AGBL4: variants seen among roughly 807,000 people sequenced by gnomAD.
AGBL4 encodes the protein AGBL carboxypeptidase 4.
Under a neutral mutation model 66.4 loss-of-function variants are expected in AGBL4, and 58 were observed. That is an observed-to-expected ratio of 0.87 (90% CI 0.71 to 1.09). The LOEUF (loss-of-function observed/expected upper bound fraction) is 1.09. AGBL4 is among the 50% of genes least tolerant of loss of function. The pLI, the probability that AGBL4 is intolerant of heterozygous loss-of-function variation, is 0.00. For synonymous variants in AGBL4, 234 were observed against 222.9 expected (o/e 1.05, Z -0.44); for missense variants, 579 against 631.0 (o/e 0.92, Z 0.88).
intron 5 of AGBL4, among the ~76,000 whole-genome samples, chr1:48,959,000 C>A (rs1176834123): frequency 6.6e-6 from 1 of 152,224 alleles, no homozygotes; most frequent in African/African-American, 2.4e-5. Flanking sequence ...GCAGGGATTT[C>A]TGCCCATGAA....
chr1:48,958,103 C>T (rs1166606948), intron 5 of AGBL4, among the ~76,000 whole-genome samples: 1 of 152,068 alleles, frequency 6.6e-6, no homozygotes, highest in Admixed American at 6.6e-5. Context: ...CGTGATCCGC[C>T]TGCCTCGGCC....
At chr1:49,966,868 G>C (rs1429817575) in intron 1 of AGBL4, among the ~76,000 whole-genome samples, 1 of 152,138 alleles carries the variant, frequency 6.6e-6, no homozygotes, top group Non-Finnish European at 1.5e-5. Flanking sequence ...TACGATTCTT[G>C]ATAGAATTGC....
In AGBL4 at chr1:49,751,250, A is replaced by G. The variant is rs140931913; in HGVS notation, c.158-53813T>C. Among the ~76,000 whole-genome samples the G allele has an allele frequency of 6.6e-5, 10 of 152,316 alleles. No individual in the cohort carries two copies. The South Asian group carries it at 8.3e-4, about 13-fold the overall frequency. ...TAAATAGCTCTTATTATTTTGAGATACATTCCATCAATACCTAGTTTATTG... is the reference window on the plus strand; with the variant it reads ...TAAATAGCTCTTATTATTTTGAGATGCATTCCATCAATACCTAGTTTATTG... On this transcript the variant is annotated intron_variant, in intron 2 of 13. Transcript: ENST00000371839.
At chr1:48,633,866 C>T (rs1207764885) in intron 9 of AGBL4, among the ~76,000 whole-genome samples, 1 of 152,174 alleles carries the variant, frequency 6.6e-6, no homozygotes, top group African/African-American at 2.4e-5. Flanking sequence ...ATGGTAGGCC[C>T]TCTTTTCTGA....
chr1:49,861,977 C>A (rs962816906), intron 1 of AGBL4, among the ~76,000 whole-genome samples: 1 of 152,102 alleles, frequency 6.6e-6, no homozygotes, highest in Non-Finnish European at 1.5e-5. Flanking sequence ...CTTCAATGCC[C>A]AGACACCAAA....
intron 4 of AGBL4, among the ~76,000 whole-genome samples, chr1:49,177,002 G>A (rs1029908973): frequency 2.6e-5 from 4 of 152,080 alleles, no homozygotes; most frequent in Non-Finnish European, 4.4e-5. Context: ...AGAGTAACCG[G>A]TGACAACTCA....
intron 3 of AGBL4, among the ~76,000 whole-genome samples, chr1:49,677,698 C>T (rs1472892578): frequency 6.6e-6 from 1 of 152,066 alleles, no homozygotes; most frequent in Non-Finnish European, 1.5e-5. Flanking sequence ...TTTTGAAGAC[C>T]TCTCAATGTG....
chr1:49,883,521 T>C (rs893720731), intron 1 of AGBL4, among the ~76,000 whole-genome samples: 5 of 152,132 alleles, frequency 3.3e-5, no homozygotes, highest in African/African-American at 1.2e-4. Flanking sequence ...AATCTCTTTT[T>C]ATCACTACTT....
intron 1 of AGBL4, among the ~76,000 whole-genome samples, chr1:49,953,177 G>C (rs1035521262): frequency 1.3e-5 from 2 of 151,874 alleles, no homozygotes; most frequent in Non-Finnish European, 2.9e-5. Flanking sequence ...AGGTTTTATG[G>C]ACCAGTAATG....
At chr1:48,615,604 C>T (rs1245482789) in intron 9 of AGBL4, among the ~76,000 whole-genome samples, 1 of 152,258 alleles carries the variant, frequency 6.6e-6, no homozygotes, top group African/African-American at 2.4e-5. Flanking sequence ...AGAAAATGAA[C>T]CCAGAACTCT....
At chr1:49,015,140 C>T (rs1014145663) in intron 5 of AGBL4, among the ~76,000 whole-genome samples, 6 of 152,088 alleles carry the variant, frequency 3.9e-5, no homozygotes, top group African/African-American at 1.4e-4. Context: ...TGGACAGAAC[C>T]TTATGTTTCA....
chr1:49,262,460 A>G (rs1653285671), intron 3 of AGBL4, among the ~76,000 whole-genome samples: 1 of 151,610 alleles, frequency 6.6e-6, no homozygotes, highest in Admixed American at 6.6e-5. Flanking sequence ...AATTTACAAG[A>G]AAAAAACAAA....
chr1:49,434,634 C>G (rs1312864559), intron 3 of AGBL4, among the ~76,000 whole-genome samples: 1 of 151,410 alleles, frequency 6.6e-6, no homozygotes, highest in East Asian at 1.9e-4. Flanking sequence ...GGTTGCTATT[C>G]CAGCAAATTG....
chr1:48,541,684 G>A (rs982921559), intron 11 of AGBL4, among the ~76,000 whole-genome samples: 1 of 152,096 alleles, frequency 6.6e-6, no homozygotes, highest in Admixed American at 6.5e-5. Context: ...CAGGAGGCTC[G>A]CTTGAACCCA....
At chr1:48,737,351 C>T (rs750431796) in intron 6 of AGBL4, among the ~76,000 whole-genome samples, 1 of 152,130 alleles carries the variant, frequency 6.6e-6, no homozygotes, top group Non-Finnish European at 1.5e-5. Flanking sequence ...CCTAGAGATT[C>T]TGATTTATTT....
intron 3 of AGBL4, among the ~76,000 whole-genome samples, chr1:49,618,851 C>G (rs1472844656): frequency 6.6e-6 from 1 of 152,118 alleles, no homozygotes; most frequent in African/African-American, 2.4e-5. Flanking sequence ...ATCACATAAA[C>G]AGAAGCAATG....
chr1:49,372,484 C>G (rs1377263079), intron 3 of AGBL4, among the ~76,000 whole-genome samples: 1 of 152,110 alleles, frequency 6.6e-6, no homozygotes, highest in Non-Finnish European at 1.5e-5. Context: ...GAACTTTGTT[C>G]ATGCTGCTCT....
intron 3 of AGBL4, among the ~76,000 whole-genome samples, chr1:49,420,874 G>T (rs949422656): frequency 1.3e-5 from 2 of 152,150 alleles, no homozygotes; most frequent in Non-Finnish European, 2.9e-5. Context: ...ATAATGAGGT[G>T]CATAAGACAG....
intron 4 of AGBL4, among the ~76,000 whole-genome samples, chr1:49,079,189 A>C (rs1182689780): frequency 1.3e-5 from 2 of 152,234 alleles, no homozygotes; most frequent in Non-Finnish European, 2.9e-5. Flanking sequence ...ATGGTATGTG[A>C]ATAAGAATAC....
Sources: allele counts gnomAD v4.1 joint callset (sites outside exome capture counted in the v4.1 genomes callset), GRCh38; gene constraint gnomAD v4.1.1; transcripts MANE v1.5; gene names NCBI Gene and HGNC (gene_info 2026-07-23, HGNC 2026-07-21).